The following DLG5 variants were observed in gnomAD, a reference collection of about 807,000 sequenced individuals.
DLG5 encodes the protein discs large MAGUK scaffold protein 5, also known as disks large homolog 5.
Under a neutral mutation model 189.8 loss-of-function variants are expected in DLG5, and 48 were observed. The observed-to-expected ratio is 0.25, with a 90% confidence interval of 0.20 to 0.32. The LOEUF (loss-of-function observed/expected upper bound fraction) is 0.32. Among genes scored for constraint, DLG5 ranks in the 10% least tolerant of loss-of-function variants. The pLI, the probability that DLG5 is intolerant of heterozygous loss-of-function variation, is 1.00. For synonymous variants in DLG5, 1,016 were observed against 1,054.1 expected (o/e 0.96, Z 0.70); for missense variants, 2,160 against 2,544.7 (o/e 0.85, Z 3.25).
At position 77,796,739 on chromosome 10, in the gene DLG5, G is replaced by T; in HGVS notation, c.5165-145C>A. On this transcript the variant is annotated intron_variant, in intron 27 of 31. Transcript: ENST00000372391. This position sits in a 1 kb window ranked among gnomAD's most constrained non-coding sequence, Gnocchi z 5.2. ...CAGCACTGAAAATCTCGTGTCCCAGGCACAACCGGGCATCGTCACCCCTGG... is the reference window on the plus strand; with the variant it reads ...CAGCACTGAAAATCTCGTGTCCCAGTCACAACCGGGCATCGTCACCCCTGG... 2.0e-6 allele frequency: 2 copies of T among 993,850 alleles called. No homozygotes were observed. Among genetic ancestry groups the T allele is most frequent in the Non-Finnish European group, 3.0e-6 (2 of 674,158 alleles). 61.6% of individuals were successfully genotyped at this position (993,850 alleles called of 1,614,324 possible). A position where few individuals can be genotyped will look rare whatever the true frequency, so the allele number is the denominator to read the frequency against.
chr10:77,874,094 C>T (rs1302646675), intron 1 of DLG5, among the ~76,000 whole-genome samples: 1 of 152,248 alleles, frequency 6.6e-6, no homozygotes, highest in African/African-American at 2.4e-5. Flanking sequence ...CACGTGCCCC[C>T]CGCCTAGCAT....
At chr10:77,836,122 C>T (rs1407886373) in intron 7 of DLG5, among the ~76,000 whole-genome samples, 200 bp from the exon 8 acceptor site, 3 of 152,096 alleles carry the variant, frequency 2.0e-5, no homozygotes, top group African/African-American at 4.8e-5. Context: ...CCCTAGCCCC[C>T]GCCATGTCTG....
In DLG5 at chr10:77,809,532, C is replaced by A; in HGVS notation, c.4647+15G>T. On this transcript the variant is annotated intron_variant, in intron 24 of 31. Coordinates refer to ENST00000372391, the MANE Select transcript of DLG5 (RefSeq NM_004747.4). The stretch of plus-strand genomic sequence containing the variant: ...GTAGATGGAGGCCTGGCCTGCTCAG[C>A]AGCTCAGAACTCACCTCCAGGATGA... 3 of 1,604,392 alleles carry A rather than the reference C, an allele frequency of 1.9e-6. No homozygotes were observed. The highest frequency in any genetic ancestry group is 2.6e-6 in the Non-Finnish European group (3 of 1,175,626).
intron 27 of DLG5, among the ~76,000 whole-genome samples, chr10:77,803,275 A>T (rs1841308024): frequency 6.6e-6 from 1 of 152,212 alleles, no homozygotes; most frequent in Non-Finnish European, 1.5e-5. Context: ...TTGATGAAAC[A>T]ATCAAGACTG....
chr10:77,934,851 T>C, the DLG5 span, among the ~76,000 whole-genome samples: 1 of 70,492 alleles, frequency 1.4e-5, no homozygotes, highest in African/African-American at 6.0e-5. Flanking sequence ...TCTTTTTTTT[T>C]GTTTTTTTGT....
At chr10:77,900,202 T>A (rs909303155) in intron 1 of DLG5, among the ~76,000 whole-genome samples, 1 of 152,118 alleles carries the variant, frequency 6.6e-6, no homozygotes, top group Admixed American at 6.5e-5. Context: ...AGAAGCAGAT[T>A]TGGAGGCCAG....
rs1208252852 is a variant in DLG5 at position 77,834,017 on chromosome 10, G to A, written c.1645C>T (p.Arg549Trp). Residue 549 changes from arginine (R) to tryptophan (W), a missense_variant, in exon 9 of 32, where the codon CGG becomes TGG. Coordinates refer to ENST00000372391, the MANE Select transcript of DLG5 (RefSeq NM_004747.4). ...SIRTLCDNLR[R>W]ERDRAVSELA... ...TCGCTCACCGCACGGTCCCGCTCCC[G>A]CCTCAGGTTGTCACACAGTGTCCTG... 6.2e-7 allele frequency: 1 copy of A among 1,609,460 alleles called. No individual in the cohort carries two copies. The highest frequency in any genetic ancestry group is 1.7e-5 in the Admixed American group (1 of 59,998).
At chr10:77,866,100 G>A (rs778936339) in intron 2 of DLG5, among the ~76,000 whole-genome samples, 30 of 152,124 alleles carry the variant, frequency 2.0e-4, no homozygotes, top group Admixed American at 3.3e-4. Context: ...CTGCCAGGGC[G>A]GTGTGTGCTT....
At chr10:77,865,240 A>G (rs887978567) in intron 2 of DLG5, among the ~76,000 whole-genome samples, 1 of 152,158 alleles carries the variant, frequency 6.6e-6, no homozygotes, top group African/African-American at 2.4e-5. Context: ...CTGCCCCACA[A>G]GGAGGAGGCA....
At chr10:77,838,819 C>T (rs1041716723) in intron 7 of DLG5, among the ~76,000 whole-genome samples, 4 of 152,226 alleles carry the variant, frequency 2.6e-5, no homozygotes, top group South Asian at 2.1e-4. Context: ...CTGCCCACCC[C>T]TCCTGGTCTG....
chr10:77,904,765 C>T (rs541680795), intron 1 of DLG5, among the ~76,000 whole-genome samples: 9 of 122,176 alleles, frequency 7.4e-5, no homozygotes, highest in Admixed American at 5.9e-4. Flanking sequence ...CCTGTTCTTC[C>T]AAATAAAAAA....
chr10:77,829,266 G>A (rs1184182561), intron 12 of DLG5, 89 bp downstream of exon 12: 1 of 1,547,292 alleles, frequency 6.5e-7, no homozygotes, highest in South Asian at 1.1e-5. Flanking sequence ...CCCTGTGAAT[G>A]AGGTGCTCTA....
intron 14 of DLG5, among the ~76,000 whole-genome samples, chr10:77,824,146 A>G (rs1842500153): frequency 6.6e-6 from 1 of 152,192 alleles, no homozygotes. Context: ...ACAATTCCCT[A>G]AGATCATCTA....
intron 24 of DLG5, among the ~76,000 whole-genome samples, chr10:77,809,184 A>G (rs1337663128): frequency 2.0e-5 from 3 of 151,798 alleles, no homozygotes; most frequent in Non-Finnish European, 1.5e-5. Flanking sequence ...AGGCGGGCAG[A>G]TCACTTGAGG....
intron 1 of DLG5, among the ~76,000 whole-genome samples, chr10:77,869,863 C>T (rs1013190441): frequency 1.3e-5 from 2 of 152,086 alleles, no homozygotes; most frequent in Admixed American, 1.3e-4. Flanking sequence ...CTCCCAGCAC[C>T]GGGAAGCCCA....
intron 1 of DLG5, among the ~76,000 whole-genome samples, chr10:77,900,431 C>T (rs909272983): frequency 2.0e-5 from 3 of 152,186 alleles, no homozygotes; most frequent in Non-Finnish European, 4.4e-5. Context: ...CTACTCAGCC[C>T]AGAAAGCTCT....
intron 1 of DLG5, among the ~76,000 whole-genome samples, chr10:77,916,099 AG>A (rs1846349397): frequency 6.6e-6 from 1 of 152,130 alleles, no homozygotes; most frequent in Non-Finnish European, 1.5e-5. Context: ...ACACGCCTGT[AG>A]TACCAACTAC....
At chr10:77,934,371 C>CAAAAAA in the DLG5 span, among the ~76,000 whole-genome samples, 3 of 96,290 alleles carry the variant, frequency 3.1e-5, no homozygotes, top group Admixed American at 1.2e-4. Context: ...AACTCCATCT[C>CAAAAAA]AAAAAAAAAA....
chr10:77,925,136 C>T (rs892381863), intron 1 of DLG5, among the ~76,000 whole-genome samples: 2 of 152,180 alleles, frequency 1.3e-5, no homozygotes, highest in African/African-American at 4.8e-5. Context: ...TGGCTCTGAA[C>T]AAGTTAAATC....
Sources: gnomAD v4.1 joint callset for allele counts (sites outside exome capture counted in the v4.1 genomes callset) on GRCh38, gnomAD v4.1.1 for gene constraint, Gnocchi (gnomAD v3.1) non-coding constraint, MANE v1.5 for transcripts, NCBI Gene and HGNC (gene_info 2026-07-23, HGNC 2026-07-21) for gene names.